The following C12orf76 variants were observed in gnomAD, a reference collection of about 807,000 sequenced individuals.
C12orf76 encodes the protein uncharacterized protein C12orf76.
A neutral mutation model predicts 6.8 loss-of-function variants in C12orf76; 6 were observed. The observed-to-expected ratio is 0.88, with a 90% CI of 0.48 to 1.73. C12orf76 has a LOEUF of 1.73. Ranked by LOEUF, C12orf76 falls within the 40% of genes most tolerant of loss-of-function variation. The pLI, the probability that C12orf76 is intolerant of heterozygous loss-of-function variation, is 0.01. For synonymous variants in C12orf76, 56 were observed against 43.7 expected, an observed-to-expected ratio of 1.28 and a Z score of -1.11; for missense variants, 99 against 98.2, an observed-to-expected ratio of 1.01 and a Z score of -0.03.
Position 110,042,083 on chromosome 12 carries a change from T to C in C12orf76, c.*291A>G, listed in dbSNP as rs780089425. The C allele has an allele frequency of 2.3e-4, 100 of 432,666 alleles. No homozygotes were observed. Among genetic ancestry groups the C allele is most frequent in the Non-Finnish European group, 3.3e-4 (79 of 237,028 alleles). 26.8% of individuals were successfully genotyped at this position (432,666 alleles called of 1,614,324 possible). ...ACTCACAAGGTTACCATGTTTTCTT[T>C]CTCATGAACACTCCATCTTTACACT... On this transcript the variant is annotated 3_prime_UTR_variant, in exon 2 of 2. Coordinates refer to ENST00000615315, the MANE Select transcript of C12orf76 (RefSeq NM_001389625.1).
upstream of C12orf76, chr12:110,048,583 C>A: frequency 4.5e-6 from 6 of 1,336,160 alleles, no homozygotes; most frequent in South Asian, 1.9e-5. Context: ...TCGCTGCCAC[C>A]GCCCTTAGGG....
chr12:110,067,576 C>T lies in C12orf76; in HGVS notation n.120G>A, dbSNP rs1892887007. ...ACTGGATGTGGTTCAGTAGGGCTCACACTGCTCCGTCATCTTCTCGAACTC... is the reference window on the plus strand; with the variant it reads ...ACTGGATGTGGTTCAGTAGGGCTCATACTGCTCCGTCATCTTCTCGAACTC... On this transcript the variant is annotated non_coding_transcript_exon_variant, in exon 1 of 5. Coordinates refer to the C12orf76 transcript ENST00000309050. 3.0e-6 allele frequency: 3 copies of T among 985,404 alleles called. No individual in the cohort carries two copies. The African/African-American group carries it at 5.2e-5, about 17-fold the overall frequency. The allele number at this position is 985,404 out of a possible 1,614,324, so 61.0% of individuals were successfully genotyped here. A position where few individuals can be genotyped will look rare whatever the true frequency, so the allele number is the denominator to read the frequency against.
At chr12:110,051,596 T>G (rs1892577554), upstream of C12orf76, among the ~76,000 whole-genome samples, 1 of 151,980 alleles carries the variant, frequency 6.6e-6, no homozygotes, top group African/African-American at 2.4e-5. Context: ...CAGGCTAATT[T>G]TTGTATTTTT....
At chr12:110,060,101 C>A (rs1279771046) in intron 2 of C12orf76, among the ~76,000 whole-genome samples, 2 of 152,168 alleles carry the variant, frequency 1.3e-5, no homozygotes, top group African/African-American at 4.8e-5. Flanking sequence ...TGGCACATGC[C>A]TGTATTCCCA....
upstream of C12orf76, among the ~76,000 whole-genome samples, chr12:110,052,178 G>A (rs1892588884): frequency 6.6e-6 from 1 of 150,780 alleles, no homozygotes; most frequent in East Asian, 1.9e-4. Flanking sequence ...TTACAGGCAT[G>A]AGCCACCGTG....
At chr12:110,057,936 C>G (rs957891914) in intron 3 of C12orf76, among the ~76,000 whole-genome samples, 1 of 151,598 alleles carries the variant, frequency 6.6e-6, no homozygotes, top group African/African-American at 2.4e-5. Context: ...CAGTGGTGGG[C>G]GCCTATAATC....
At chr12:110,048,272 C>G in intron 1 of C12orf76, 91 bp downstream of exon 1, 1 of 1,388,742 alleles carries the variant, frequency 7.2e-7, no homozygotes. Flanking sequence ...CCACTCTATC[C>G]CCTGTCCGCT....
chr12:110,055,214 C>CT (rs1202961460), intron 4 of C12orf76, among the ~76,000 whole-genome samples: 14,867 of 133,464 alleles, frequency 0.11, 1,218 homozygotes, highest in Non-Finnish European at 0.17. Context: ...TGAGACGAAG[C>CT]TTTTTTTTTT....
chr12:110,069,007 T>C (rs1049611073), upstream of C12orf76, among the ~76,000 whole-genome samples: 2 of 152,322 alleles, frequency 1.3e-5, no homozygotes, highest in Middle Eastern at 3.4e-3. Context: ...TTTGGTGAGA[T>C]GATAGTAGAT....
At chr12:110,042,684 A>G in intron 1 of C12orf76, 1 of 670,876 alleles carries the variant, frequency 1.5e-6, no homozygotes, top group East Asian at 2.7e-5. Flanking sequence ...GAAAAAAAAA[A>G]ACAGTAACAT....
chr12:110,063,524 A>C (rs749048026), intron 2 of C12orf76, among the ~76,000 whole-genome samples: 6 of 151,528 alleles, frequency 4.0e-5, no homozygotes, highest in Non-Finnish European at 8.8e-5. Flanking sequence ...TCTGGACCTC[A>C]AGTGATCCAC....
chr12:110,046,271 C>T (rs1892446541), intron 1 of C12orf76, among the ~76,000 whole-genome samples: 2 of 152,016 alleles, frequency 1.3e-5, no homozygotes, highest in South Asian at 2.1e-4. Context: ...ACTAAAAATA[C>T]AAAAATTACC....
chr12:110,050,037 ATGC>A (rs1183370923), upstream of C12orf76: 2 of 152,226 alleles, frequency 1.3e-5, no homozygotes, highest in Non-Finnish European at 2.9e-5. Context: ...TAGCTTGCCG[ATGC>A]TGCCAGCTGA....
At chr12:110,042,497 C>A (rs1331482775) in intron 1 of C12orf76, 38 bp from the exon 2 acceptor site, 1 of 1,368,712 alleles carries the variant, frequency 7.3e-7, no homozygotes, top group Admixed American at 1.7e-5. Context: ...AATGGCAGCT[C>A]CAGGTTAGGC....
upstream of C12orf76, chr12:110,051,287 C>T (rs577848898): frequency 4.2e-6 from 3 of 712,968 alleles, no homozygotes; most frequent in South Asian, 4.4e-5. Flanking sequence ...CCGTGTGACT[C>T]GTTTTCCCTC....
chr12:110,059,132 A>AT, exon 3 of C12orf76: 1 of 1,546,834 alleles, frequency 6.5e-7, no homozygotes, highest in Non-Finnish European at 8.7e-7. Flanking sequence ...AAATGGAATT[A>AT]TTTTTCCAAT....
rs1892656686 is a variant in C12orf76, at chr12:110,055,758, G to A, written n.664+1431C>T. 3.9e-5 allele frequency among the ~76,000 whole-genome samples: 6 copies of A among 152,298 alleles called. No homozygotes were observed. The South Asian group carries it at 1.2e-3, about 32-fold the overall frequency. Reference sequence around the variant, plus strand: ...GTGCCAGGAGTGCTGATTGGTCAGAGATGAAATCATAGGGAGTCGAAGCTG... The same window carrying A: ...GTGCCAGGAGTGCTGATTGGTCAGAAATGAAATCATAGGGAGTCGAAGCTG... On this transcript the variant is annotated intron_variant and non_coding_transcript_variant, in intron 4 of 4. Transcript: ENST00000309050.
upstream of C12orf76, among the ~76,000 whole-genome samples, chr12:110,069,745 A>G (rs1340648746): frequency 6.6e-6 from 1 of 152,204 alleles, no homozygotes; most frequent in Non-Finnish European, 1.5e-5. Flanking sequence ...AGATGCAAGT[A>G]TCCCATTTCA....
chr12:110,045,895 G>T (rs1892435721), intron 1 of C12orf76: 2 of 190,284 alleles, frequency 1.1e-5, no homozygotes, highest in Admixed American at 1.1e-4. Context: ...GGCGGTGGAG[G>T]TTGCAGTGAA....
Sources: gnomAD v4.1 joint callset for allele counts (sites outside exome capture counted in the v4.1 genomes callset) on GRCh38, gnomAD v4.1.1 for gene constraint, MANE v1.5 for transcripts, NCBI Gene and HGNC (gene_info 2026-07-23, HGNC 2026-07-21) for gene names.